The following MRPS16 variants were observed in gnomAD, a reference collection of about 807,000 sequenced individuals.
MRPS16 encodes the protein small ribosomal subunit protein bS16m.
In MRPS16, 5 loss-of-function variants were observed where a neutral mutation model predicts 11.0. The observed-to-expected ratio is 0.46, with a 90% CI of 0.24 to 0.96. The LOEUF (loss-of-function observed/expected upper bound fraction) is 0.96. Among genes scored for constraint, MRPS16 ranks in the 40% least tolerant of loss-of-function variants. The pLI is 0.20. For missense variants in MRPS16, 179 were observed against 174.4 expected, an observed-to-expected ratio of 1.03 and a Z score of -0.15; for synonymous variants, 76 against 65.0, an observed-to-expected ratio of 1.17 and a Z score of -0.81.
At chr10:73,251,573 G>A (rs1369494846) in intron 2 of MRPS16, among the ~76,000 whole-genome samples, 190 bp downstream of exon 2, 1 of 151,786 alleles carries the variant, frequency 6.6e-6, no homozygotes, top group Non-Finnish European at 1.5e-5. Context: ...TAGAGACAGC[G>A]TTTCACCATG....
chr10:73,251,444 T>G (rs2044094167), intron 2 of MRPS16, among the ~76,000 whole-genome samples: 1 of 152,084 alleles, frequency 6.6e-6, no homozygotes, highest in Non-Finnish European at 1.5e-5. Flanking sequence ...GACGCGATCT[T>G]GGCTCACTGC....
intron 2 of MRPS16, among the ~76,000 whole-genome samples, chr10:73,251,389 T>A (rs1007861400): frequency 1.4e-4 from 21 of 152,126 alleles, no homozygotes; most frequent in Admixed American, 3.9e-4. Context: ...TTTTTTTTTT[T>A]CTTTGAGATG....
In MRPS16 at chr10:73,249,057, T is replaced by C. The variant is rs1071674; in HGVS notation, c.*1795A>G. 1.7e-6 allele frequency: 1 copy of C among 603,200 alleles called. No individual in the cohort carries two copies. The highest frequency in any genetic ancestry group is 3.1e-6 in the Non-Finnish European group (1 of 325,118). The allele number at this position is 603,200 out of a possible 1,614,324, so 37.4% of individuals were successfully genotyped here. The stretch of plus-strand genomic sequence containing the variant: ...CCTCAGCTTCCCGAGTAGCTGGAAC[T>C]ATGGGTGAGCAACACCACAGCCAGC... On this transcript the variant is annotated 3_prime_UTR_variant, in exon 3 of 3. Transcript: ENST00000372945.
At chr10:73,252,344 TA>T in intron 1 of MRPS16, 125 bp downstream of exon 1, 1 of 1,363,540 alleles carries the variant, frequency 7.3e-7, no homozygotes, top group African/African-American at 1.4e-5. Flanking sequence ...GGATCAAATG[TA>T]AGGCAGTGTG....
chr10:73,249,188 G>C lies in MRPS16; in HGVS notation c.*1664C>G. The C allele has an allele frequency of 1.7e-6, 2 of 1,194,180 alleles. No homozygotes were observed. Among genetic ancestry groups the C allele is most frequent in the East Asian group, 2.6e-5 (1 of 38,986 alleles). The allele number at this position is 1,194,180 out of a possible 1,614,324, so 74.0% of individuals were successfully genotyped here. A position where few individuals can be genotyped will look rare whatever the true frequency, so the allele number is the denominator to read the frequency against. ...CCACCTCAGCCTCCCAAAGTGCTGA[G>C]ATTACAGGTGTGAGCCACTGCCCCA... On this transcript the variant is annotated 3_prime_UTR_variant, in exon 3 of 3. Transcript: ENST00000372945.
Position 73,249,063 on chromosome 10 carries a change from T to C in MRPS16, c.*1789A>G. 1 of 600,004 alleles carries C rather than the reference T, an allele frequency of 1.7e-6. No individual in the cohort carries two copies. The highest frequency in any genetic ancestry group is 3.1e-6 in the Non-Finnish European group (1 of 323,744). 37.2% of individuals were successfully genotyped at this position (600,004 alleles called of 1,614,324 possible). A position where few individuals can be genotyped will look rare whatever the true frequency, so the allele number is the denominator to read the frequency against. On this transcript the variant is annotated 3_prime_UTR_variant, in exon 3 of 3. Transcript: ENST00000372945. Reference sequence around the variant, plus strand: ...CTTCCCGAGTAGCTGGAACTATGGGTGAGCAACACCACAGCCAGCTAATTT... The same window carrying C: ...CTTCCCGAGTAGCTGGAACTATGGGCGAGCAACACCACAGCCAGCTAATTT...
At position 73,249,125 on chromosome 10, in the gene MRPS16, C is replaced by T; in HGVS notation, c.*1727G>A. 1 of 665,726 alleles carries T rather than the reference C, an allele frequency of 1.5e-6. No individual in the cohort carries two copies. The highest frequency in any genetic ancestry group is 2.6e-6 in the Non-Finnish European group (1 of 379,476). 41.2% of individuals were successfully genotyped at this position (665,726 alleles called of 1,614,324 possible). On this transcript the variant is annotated 3_prime_UTR_variant, in exon 3 of 3. Coordinates refer to ENST00000372945, the MANE Select transcript of MRPS16 (RefSeq NM_016065.4). Reference sequence around the variant, plus strand: ...GTAGAGACGGGGTCTTGCTGTGTTGCACAGGCTGGTCTCAAACTCTGGCTT... The same window carrying T: ...GTAGAGACGGGGTCTTGCTGTGTTGTACAGGCTGGTCTCAAACTCTGGCTT...
Position 73,250,995 on chromosome 10 carries a change from A to G in MRPS16, c.275-4T>C, listed in dbSNP as rs760144297. 3.1e-6 allele frequency: 5 copies of G among 1,614,026 alleles called. No individual in the cohort carries two copies. The highest frequency in any genetic ancestry group is 2.2e-5 in the South Asian group (2 of 91,056). On this transcript the variant is annotated splice_polypyrimidine_tract_variant and splice_region_variant and intron_variant, in intron 2 of 2. Transcript: ENST00000372945. ...AGAGGGAAAAAGCCAGCAAGACCTAAAAGTAACAGATTTTTCACTTATTAT... is the reference window on the plus strand; with the variant it reads ...AGAGGGAAAAAGCCAGCAAGACCTAGAAGTAACAGATTTTTCACTTATTAT...
chr10:73,250,477 C>T lies in MRPS16; in HGVS notation c.*375G>A, dbSNP rs2044073971. The T allele has an allele frequency of 1.1e-5, 3 of 284,760 alleles. No homozygotes were observed. Among genetic ancestry groups the T allele is most frequent in the African/African-American group, 4.4e-5 (2 of 45,530 alleles). The allele number at this position is 284,760 out of a possible 1,614,324, so 17.6% of individuals were successfully genotyped here. A position where few individuals can be genotyped will look rare whatever the true frequency, so the allele number is the denominator to read the frequency against. On this transcript the variant is annotated 3_prime_UTR_variant, in exon 3 of 3. Coordinates refer to ENST00000372945, the MANE Select transcript of MRPS16 (RefSeq NM_016065.4). ...TTAAGAAAGGTTAACTGTTCTTGCA[C>T]TTGTGGGATGAACATGAAGATCTGA...
chr10:73,251,342 TC>T (rs1294186436), intron 2 of MRPS16, among the ~76,000 whole-genome samples: 1 of 152,076 alleles, frequency 6.6e-6, no homozygotes, highest in African/African-American at 2.4e-5. Context: ...AGCTCCCACT[TC>T]AGTCCTGAAC....
Position 73,249,431 on chromosome 10 carries a change from G to A in MRPS16, c.*1421C>T, listed in dbSNP as rs1292780386. 1 of 1,084,120 alleles carries A rather than the reference G, an allele frequency of 9.2e-7. No individual in the cohort carries two copies. The highest frequency in any genetic ancestry group is 1.3e-6 in the Non-Finnish European group (1 of 755,240). 67.2% of individuals were successfully genotyped at this position (1,084,120 alleles called of 1,614,324 possible). A position where few individuals can be genotyped will look rare whatever the true frequency, so the allele number is the denominator to read the frequency against. Reference sequence around the variant, plus strand: ...AGATTACTGGCATCAAGGTAGGAAGGAAAAGATACAAGAAGTAAAATGCAA... The same window carrying A: ...AGATTACTGGCATCAAGGTAGGAAGAAAAAGATACAAGAAGTAAAATGCAA... On this transcript the variant is annotated 3_prime_UTR_variant, in exon 3 of 3. Transcript: ENST00000372945.
chr10:73,251,686 T>C (rs1273262196), intron 2 of MRPS16, 77 bp downstream of exon 2: 8 of 1,603,600 alleles, frequency 5.0e-6, no homozygotes, highest in Non-Finnish European at 6.0e-6. Flanking sequence ...CAGCCGAAAA[T>C]CATTCTTACA....
chr10:73,252,021 T>G lies in MRPS16; in HGVS notation c.16A>C (p.Thr6Pro), dbSNP rs141953041. MVHLT[T>P]LLCKAYRGGH... ...CCACGGTAGGCCTTGCAGAGGAGAG[T>G]AGCTGTAGAAAAGCAGCTGGTTAGG... Residue 6 changes from threonine to proline, a missense_variant and splice_region_variant, in exon 2 of 3, where the codon ACT becomes CCT. By Grantham distance (38) the Thr-to-Pro change is conservative (BLOSUM62 -1). Transcript: ENST00000372945. The G allele has an allele frequency of 1.6e-4, 252 of 1,612,998 alleles. No homozygotes were observed. Among genetic ancestry groups the G allele is most frequent in the Admixed American group, 2.2e-4 (13 of 59,794 alleles).
rs757956436 is a variant in MRPS16 at position 73,252,507 on chromosome 10, G to C, written c.-25C>G. On this transcript the variant is annotated 5_prime_UTR_variant, in exon 1 of 3. Coordinates refer to ENST00000372945, the MANE Select transcript of MRPS16 (RefSeq NM_016065.4). ...TGGTGCCGCCGGCGTGCGGCTCCTC[G>C]GAGAGCCCCGCTACCCGCACGCACC... The C allele has an allele frequency of 6.2e-7, 1 of 1,605,698 alleles. No homozygotes were observed. The highest frequency in any genetic ancestry group is 1.3e-5 in the African/African-American group (1 of 75,006).
In MRPS16 at chr10:73,251,841, C is replaced by G. The variant is rs1427612719; in HGVS notation, c.196G>C (p.Val66Leu). ...CGGATCCTGTCTAGGTTGAGGGCAA[C>G]GAGTTTTTCTCCATGACTGTTGGGC... Reference protein sequence around the residue: ...PLPNSHGEKLVALNLDRIRHW... With the variant: ...PLPNSHGEKLLALNLDRIRHW... Residue 66 changes from valine to leucine, a missense_variant, in exon 2 of 3, where the codon GTT becomes CTT. Val to Leu is a conservative substitution (Grantham distance 32). Transcript: ENST00000372945. The G allele has an allele frequency of 2.5e-6, 4 of 1,614,044 alleles. No individual in the cohort carries two copies. Among genetic ancestry groups the G allele is most frequent in the Non-Finnish European group, 3.4e-6 (4 of 1,180,042 alleles).
chr10:73,250,824 A>G lies in MRPS16; in HGVS notation c.*28T>C, dbSNP rs753328308. The G allele has an allele frequency of 2.5e-6, 4 of 1,612,176 alleles. No homozygotes were observed. The highest frequency in any genetic ancestry group is 3.4e-6 in the Non-Finnish European group (4 of 1,179,790). On this transcript the variant is annotated 3_prime_UTR_variant, in exon 3 of 3. Transcript: ENST00000372945. ...TCAAAAGGACCTTGACCTTGTTCCC[A>G]CTGCTATGCTCACTAAAGTCAGCTC...
Position 73,250,700 on chromosome 10 carries a change from C to T in MRPS16, c.*152G>A, listed in dbSNP as rs2044077729. 6 of 1,012,006 alleles carry T rather than the reference C, an allele frequency of 5.9e-6. No individual in the cohort carries two copies. Among genetic ancestry groups the T allele is most frequent in the Non-Finnish European group, 7.6e-6 (5 of 655,742 alleles). The allele number at this position is 1,012,006 out of a possible 1,614,324, so 62.7% of individuals were successfully genotyped here. A position where few individuals can be genotyped will look rare whatever the true frequency, so the allele number is the denominator to read the frequency against. On this transcript the variant is annotated 3_prime_UTR_variant, in exon 3 of 3. Transcript: ENST00000372945. ...TAAGTCACACAAGAACAAATCTCTC[C>T]CTGGGCCCTGTGCAGGCCAGGCCAG...
intron 1 of MRPS16, 39 bp from the exon 2 acceptor site, chr10:73,252,062 C>T (rs1391609023): frequency 1.6e-5 from 26 of 1,596,624 alleles, no homozygotes; most frequent in Middle Eastern, 1.6e-4. Flanking sequence ...AAAAACAGCA[C>T]AAAAAGGACA....
rs113258240 is a variant in MRPS16 at position 73,250,384 on chromosome 10, C to CAAAAAAA, written c.*461_*467dup. On this transcript the variant is annotated 3_prime_UTR_variant, in exon 3 of 3. Coordinates refer to ENST00000372945, the MANE Select transcript of MRPS16 (RefSeq NM_016065.4). ...CTGGCAACAGAACAAGACTCCGTCT[C>CAAAAAAA]AAAAAAAAAAAAAAAAAGAGAATAT... 1.1e-5 allele frequency: 1 copy of CAAAAAAA among 95,088 alleles called. No homozygotes were observed. 5.9% of individuals were successfully genotyped at this position (95,088 alleles called of 1,614,324 possible). A position where few individuals can be genotyped will look rare whatever the true frequency, so the allele number is the denominator to read the frequency against.
Sources: gnomAD v4.1 joint callset for allele counts (sites outside exome capture counted in the v4.1 genomes callset) on GRCh38, gnomAD v4.1.1 for gene constraint, MANE v1.5 for transcripts, NCBI Gene and HGNC (gene_info 2026-07-23, HGNC 2026-07-21) for gene names.